The following SLC35F4 variants were observed in gnomAD, a reference collection of about 807,000 sequenced individuals.
SLC35F4 encodes solute carrier family 35 member F4.
SLC35F4 carries 24 observed loss-of-function variants against 44.2 expected under a neutral mutation model. That is an observed-to-expected ratio of 0.54 (90% CI 0.39 to 0.76). SLC35F4 has a LOEUF of 0.76. Among genes scored for constraint, SLC35F4 ranks in the 30% least tolerant of loss-of-function variants. SLC35F4 has a pLI of 0.00. For synonymous variants in SLC35F4, 238 were observed against 223.6 expected, an observed-to-expected ratio of 1.06 and a Z score of -0.57; for missense variants, 562 against 586.1, an observed-to-expected ratio of 0.96 and a Z score of 0.42.
chr14:57,947,262 T>TTGG (rs1890052736), intron 1 of SLC35F4, among the ~76,000 whole-genome samples: 1 of 151,530 alleles, frequency 6.6e-6, no homozygotes, highest in African/African-American at 2.4e-5. Flanking sequence ...TTTTTTTTTT[T>TTGG]TTGGTTTGTT....
At chr14:57,951,667 G>A (rs369053959) in intron 1 of SLC35F4, among the ~76,000 whole-genome samples, 1 of 152,206 alleles carries the variant, frequency 6.6e-6, no homozygotes, top group African/African-American at 2.4e-5. Flanking sequence ...CAAAGCCTCA[G>A]GGAAGTTCAG....
intron 1 of SLC35F4, among the ~76,000 whole-genome samples, chr14:57,764,583 C>A (rs1305096757): frequency 1.3e-5 from 2 of 152,210 alleles, no homozygotes; most frequent in African/African-American, 2.4e-5. Context: ...GTAACACTGG[C>A]TGCTACTAAG....
chr14:57,864,445 G>T (rs2141018301), intron 1 of SLC35F4, among the ~76,000 whole-genome samples: 1 of 152,270 alleles, frequency 6.6e-6, no homozygotes, highest in South Asian at 2.1e-4. Flanking sequence ...AATCAGATAG[G>T]CCTTTCCTGA....
At chr14:57,715,802 T>C (rs756894775) in intron 1 of SLC35F4, among the ~76,000 whole-genome samples, 30 of 151,814 alleles carry the variant, frequency 2.0e-4, no homozygotes, top group Non-Finnish European at 1.5e-5. Context: ...AGAGTTAAAC[T>C]AGAAGAGGAG....
At chr14:57,630,678 A>C (rs2072724944) in intron 1 of SLC35F4, 3 of 650,682 alleles carry the variant, frequency 4.6e-6, no homozygotes, top group Admixed American at 2.1e-5. Context: ...TCCTATGCTC[A>C]GTGGCCATTG....
chr14:57,774,541 C>T (rs1299002930), intron 1 of SLC35F4, among the ~76,000 whole-genome samples: 1 of 152,220 alleles, frequency 6.6e-6, no homozygotes, highest in Non-Finnish European at 1.5e-5. Flanking sequence ...GGGGAACTGT[C>T]TGACCTGAAC....
intron 1 of SLC35F4, among the ~76,000 whole-genome samples, chr14:57,934,837 A>C (rs1339510563): frequency 6.6e-6 from 1 of 152,148 alleles, no homozygotes; most frequent in Non-Finnish European, 1.5e-5. Context: ...TTCTTCTCTG[A>C]CTTCAAAGTA....
At chr14:57,573,094 A>G (rs1455477964) in intron 4 of SLC35F4, among the ~76,000 whole-genome samples, 6 of 152,182 alleles carry the variant, frequency 3.9e-5, no homozygotes, top group African/African-American at 9.7e-5. Context: ...GCTTTTTAAC[A>G]TATGTGATTT....
intron 1 of SLC35F4, among the ~76,000 whole-genome samples, chr14:57,881,272 T>C (rs987829979): frequency 6.6e-6 from 1 of 152,196 alleles, no homozygotes; most frequent in Non-Finnish European, 1.5e-5. Flanking sequence ...ACTTATCTAT[T>C]ATGAGTTTAT....
chr14:57,649,976 A>T (rs1039345520), intron 1 of SLC35F4, among the ~76,000 whole-genome samples: 4 of 152,002 alleles, frequency 2.6e-5, no homozygotes, highest in African/African-American at 9.7e-5. Context: ...CACTGGGTAT[A>T]TTGGACCTTT....
At chr14:57,929,785 C>G (rs1057406046) in intron 1 of SLC35F4, among the ~76,000 whole-genome samples, 1 of 152,138 alleles carries the variant, frequency 6.6e-6, no homozygotes, top group African/African-American at 2.4e-5. Context: ...AGATACACAT[C>G]AAATGAATGA....
intron 1 of SLC35F4, among the ~76,000 whole-genome samples, chr14:57,971,114 A>G (rs1881041966): frequency 6.6e-6 from 1 of 152,202 alleles, no homozygotes; most frequent in Non-Finnish European, 1.5e-5. Flanking sequence ...TTAATAACTC[A>G]CACAGAGTTG....
At chr14:57,586,700 A>G (rs1211015102) in intron 3 of SLC35F4, among the ~76,000 whole-genome samples, 1 of 129,350 alleles carries the variant, frequency 7.7e-6, no homozygotes, top group Non-Finnish European at 1.6e-5. Flanking sequence ...CCTGGGTGAC[A>G]GAGCGAGACT....
chr14:57,577,553 A>G (rs887143675), intron 4 of SLC35F4, among the ~76,000 whole-genome samples: 3 of 152,180 alleles, frequency 2.0e-5, no homozygotes, highest in African/African-American at 7.2e-5. Context: ...AAAATCTGAA[A>G]GAAAGTTTCT....
intron 1 of SLC35F4, among the ~76,000 whole-genome samples, chr14:57,933,491 G>A (rs1426749839): frequency 6.6e-6 from 1 of 152,136 alleles, no homozygotes; most frequent in Non-Finnish European, 1.5e-5. Flanking sequence ...ATCAGTGAGG[G>A]CCTCTGCCTC....
At chr14:57,740,057 G>A (rs895043052) in intron 1 of SLC35F4, among the ~76,000 whole-genome samples, 27 of 151,990 alleles carry the variant, frequency 1.8e-4, no homozygotes, top group African/African-American at 5.6e-4. Flanking sequence ...ATGGGGTTTC[G>A]TCATGTTGGC....
intron 1 of SLC35F4, among the ~76,000 whole-genome samples, chr14:57,619,827 C>A (rs756906344): frequency 3.8e-4 from 58 of 152,098 alleles, no homozygotes; most frequent in Admixed American, 2.4e-3. Context: ...AGTAGAATAA[C>A]CAGTTCAGAG....
chr14:57,955,625 A>G (rs1890222083), intron 1 of SLC35F4, among the ~76,000 whole-genome samples: 1 of 152,236 alleles, frequency 6.6e-6, no homozygotes, highest in Non-Finnish European at 1.5e-5. Flanking sequence ...CAAAAATCAC[A>G]AGCATTCCTA....
At chr14:57,653,545 C>G (rs2140209519) in intron 1 of SLC35F4, among the ~76,000 whole-genome samples, 1 of 152,332 alleles carries the variant, frequency 6.6e-6, no homozygotes, top group East Asian at 1.9e-4. Flanking sequence ...GTAGGAAGAG[C>G]AGTTCAGCTC....
Sources: gnomAD v4.1 joint callset for allele counts (sites outside exome capture counted in the v4.1 genomes callset) on GRCh38, gnomAD v4.1.1 for gene constraint, MANE v1.5 for transcripts, NCBI Gene and HGNC (gene_info 2026-07-23, HGNC 2026-07-21) for gene names.